The following ROBO2 variants were observed in gnomAD, a reference collection of about 807,000 sequenced individuals.
ROBO2 encodes roundabout homolog 2.
Under a neutral mutation model 160.8 loss-of-function variants are expected in ROBO2, and 53 were observed. That is an observed-to-expected ratio of 0.33 (90% CI 0.26 to 0.41). ROBO2 has a LOEUF of 0.41. ROBO2 is among the 10% of genes least tolerant of loss of function. ROBO2 has a pLI of 1.00. For missense variants in ROBO2, 1,577 were observed against 1,722.4 expected (o/e 0.92, Z 1.49); for synonymous variants, 664 against 611.7 (o/e 1.09, Z -1.26).
chr3:77,573,474 TC>T (rs2093686339), intron 13 of ROBO2, among the ~76,000 whole-genome samples: 1 of 152,040 alleles, frequency 6.6e-6, no homozygotes, highest in African/African-American at 2.4e-5. Context: ...TCTTACTGTA[TC>T]TTAAATAAAT....
intron 2 of ROBO2, among the ~76,000 whole-genome samples, chr3:77,411,774 G>A (rs968376269): frequency 6.6e-6 from 1 of 152,162 alleles, no homozygotes; most frequent in Non-Finnish European, 1.5e-5. Flanking sequence ...GGCTGTTTAT[G>A]GGGAGGAGAA....
At chr3:76,917,401 C>T (rs2076388739) in intron 2 of ROBO2, among the ~76,000 whole-genome samples, 1 of 152,178 alleles carries the variant, frequency 6.6e-6, no homozygotes. Context: ...AAATGAGGTT[C>T]TTCCTGACAA....
Position 76,737,250 on chromosome 3 carries a change from A to G in ROBO2, c.110-360764A>G, listed in dbSNP as rs56363532. Among the ~76,000 whole-genome samples the G allele has an allele frequency of 9.5e-4, 144 of 152,158 alleles. 1 individual carries two copies. Among genetic ancestry groups the G allele is most frequent in the African/African-American group, 3.2e-3 (133 of 41,536 alleles). On this transcript the variant is annotated intron_variant, in intron 2 of 26. Transcript: ENST00000487694. ...TTTGCATTATTTTATAGTAAGAAAG[A>G]GACTTCTGTTATTTTTATCATCTAG...
intron 2 of ROBO2, among the ~76,000 whole-genome samples, chr3:76,055,927 C>T (rs562079132): frequency 6.6e-6 from 1 of 151,992 alleles, no homozygotes; most frequent in African/African-American, 2.4e-5. Context: ...CCTGGCTGGA[C>T]CACCAGCTTT....
intron 2 of ROBO2, among the ~76,000 whole-genome samples, chr3:76,146,416 A>G (rs1374083108): frequency 1.3e-5 from 2 of 151,786 alleles, no homozygotes; most frequent in Non-Finnish European, 2.9e-5. Flanking sequence ...AGGTCCTCAT[A>G]CTTCCTGCTC....
At chr3:76,843,914 T>C (rs1188804951) in intron 2 of ROBO2, among the ~76,000 whole-genome samples, 1 of 152,054 alleles carries the variant, frequency 6.6e-6, no homozygotes, top group East Asian at 1.9e-4. Context: ...GGAGCTAAAT[T>C]GCAGCAGAAA....
At chr3:75,917,488 A>G (rs1302004995) in intron 1 of ROBO2, among the ~76,000 whole-genome samples, 1 of 152,234 alleles carries the variant, frequency 6.6e-6, no homozygotes, top group Non-Finnish European at 1.5e-5. Context: ...ATAGTGCCAC[A>G]ATAAACATAC....
intron 2 of ROBO2, among the ~76,000 whole-genome samples, chr3:76,411,078 G>A (rs1487079702): frequency 6.6e-6 from 1 of 151,980 alleles, no homozygotes; most frequent in East Asian, 1.9e-4. Flanking sequence ...CTATTCCATT[G>A]TGTTGAGTCA....
rs556647084 is a variant in ROBO2 at position 76,260,799 on chromosome 3, TG to T, written c.109+323198del. 1.4e-3 allele frequency among the ~76,000 whole-genome samples: 211 copies of T among 152,282 alleles called. 1 individual carries two copies. Among genetic ancestry groups the T allele is most frequent in the African/African-American group, 4.9e-3 (204 of 41,572 alleles). Reference sequence around the variant, plus strand: ...TACCATCACACACAATTTGCATTTTTGTTAGTGTTCTACATCTTACAGAATT... The same window carrying T: ...TACCATCACACACAATTTGCATTTTTTTAGTGTTCTACATCTTACAGAATT... On this transcript the variant is annotated intron_variant, in intron 2 of 26. Transcript: ENST00000487694.
At chr3:76,602,432 G>A (rs2087225595) in intron 2 of ROBO2, among the ~76,000 whole-genome samples, 1 of 152,154 alleles carries the variant, frequency 6.6e-6, no homozygotes, top group African/African-American at 2.4e-5. Flanking sequence ...CCAAGACCTG[G>A]TAATTTACAA....
chr3:77,439,552 T>C (rs368968413), intron 2 of ROBO2, among the ~76,000 whole-genome samples: 7 of 152,234 alleles, frequency 4.6e-5, no homozygotes, highest in Admixed American at 1.3e-4. Flanking sequence ...AATACTTACG[T>C]TGTTCAGGGC....
chr3:76,364,202 T>A (rs7611053), intron 2 of ROBO2, among the ~76,000 whole-genome samples: 2,149 of 152,116 alleles, frequency 0.014, 44 homozygotes, highest in African/African-American at 0.049. Context: ...GACTCCCTCT[T>A]GTCTTTTCTA....
intron 2 of ROBO2, among the ~76,000 whole-genome samples, chr3:77,117,545 A>G (rs1352576276): frequency 6.6e-6 from 1 of 152,180 alleles, no homozygotes; most frequent in Non-Finnish European, 1.5e-5. Context: ...ATTTTACTAT[A>G]TCTCAGTATA....
intron 2 of ROBO2, among the ~76,000 whole-genome samples, chr3:76,795,168 G>A (rs1278360641): frequency 6.6e-6 from 1 of 152,064 alleles, no homozygotes; most frequent in Non-Finnish European, 1.5e-5. Flanking sequence ...GCAAGTCATA[G>A]TCTTTTCACT....
intron 2 of ROBO2, among the ~76,000 whole-genome samples, chr3:76,218,343 C>A (rs1402769947): frequency 6.6e-6 from 1 of 152,086 alleles, no homozygotes; most frequent in Non-Finnish European, 1.5e-5. Flanking sequence ...AAATAAAGGG[C>A]ATTCAATTAG....
intron 2 of ROBO2, among the ~76,000 whole-genome samples, chr3:77,143,319 C>T (rs139967539): frequency 0.015 from 2,274 of 151,428 alleles, 66 homozygotes; most frequent in African/African-American, 0.052. Context: ...CTCAGCCTCC[C>T]GAGTAGCTGG....
chr3:77,573,804 CTT>C (rs537026995), intron 13 of ROBO2, among the ~76,000 whole-genome samples: 83 of 151,990 alleles, frequency 5.5e-4, no homozygotes, highest in African/African-American at 1.8e-3. Context: ...CCACTATAGG[CTT>C]TCTTAGCTCT....
At chr3:76,399,637 A>G (rs1319192028) in intron 2 of ROBO2, among the ~76,000 whole-genome samples, 1 of 151,762 alleles carries the variant, frequency 6.6e-6, no homozygotes, top group Non-Finnish European at 1.5e-5. Flanking sequence ...AAAGCCATGT[A>G]TGAAGTGATA....
chr3:77,387,908 A>G (rs2074302119), intron 2 of ROBO2, among the ~76,000 whole-genome samples: 1 of 152,036 alleles, frequency 6.6e-6, no homozygotes, highest in Non-Finnish European at 1.5e-5. Flanking sequence ...TTCCCCTTCA[A>G]ATATCGAAGC....
Sources: allele counts gnomAD v4.1 joint callset (sites outside exome capture counted in the v4.1 genomes callset), GRCh38; gene constraint gnomAD v4.1.1; transcripts MANE v1.5; gene names NCBI Gene and HGNC (gene_info 2026-07-23, HGNC 2026-07-21).